BRCA1: variants seen among roughly 807,000 people sequenced by gnomAD.
BRCA1 encodes the protein breast cancer type 1 susceptibility protein.
A neutral mutation model predicts 173.7 loss-of-function variants in BRCA1; 140 were observed. The observed-to-expected ratio is 0.81, with a 90% CI of 0.70 to 0.93. The LOEUF (loss-of-function observed/expected upper bound fraction) is 0.93. Ranked by LOEUF, BRCA1 falls within the 40% of genes least tolerant of loss-of-function variation. BRCA1 has a pLI of 0.00. For missense variants in BRCA1, 1,983 were observed against 2,172.5 expected (o/e 0.91, Z 1.73); for synonymous variants, 662 against 756.0 (o/e 0.88, Z 2.04).
At chr17:43,127,856 CT>C (rs1567826240), upstream of BRCA1, among the ~76,000 whole-genome samples, 1 of 145,840 alleles carries the variant, frequency 6.9e-6, no homozygotes, top group Non-Finnish European at 1.5e-5. Context: ...AACCCCGACT[CT>C]ACTAAAAAGA....
chr17:43,060,899 T>C (rs539670699), intron 18 of BRCA1, among the ~76,000 whole-genome samples: 139 of 151,962 alleles, frequency 9.1e-4, no homozygotes, highest in African/African-American at 3.2e-3. Context: ...GTTGAGGTGG[T>C]TGGATCACTT....
In BRCA1 at chr17:43,159,807, C is replaced by T. The variant is rs35388317; in HGVS notation, c.-20+10319G>A. On this transcript the variant is annotated intron_variant, in intron 1 of 7. Coordinates refer to the BRCA1 transcript ENST00000634433. ...TATTGTCCTATGACCCTGCCAAATC[C>T]CCCTCTGGGAGAAACACCCAAGAAT... 1,371 of 158,214 alleles carry T rather than the reference C, an allele frequency of 8.7e-3. 10 individuals carry two copies. Among genetic ancestry groups the T allele is most frequent in the Non-Finnish European group, 0.014 (1,017 of 72,930 alleles). 9.8% of individuals were successfully genotyped at this position (158,214 alleles called of 1,614,324 possible).
Position 43,063,859 on chromosome 17 carries a change from T to C in BRCA1, c.5152+15A>G, listed in dbSNP as rs750905289. 3.6e-5 allele frequency: 58 copies of C among 1,601,662 alleles called. No homozygotes were observed. The highest frequency in any genetic ancestry group is 8.0e-5 in the African/African-American group (6 of 74,606). ...GGTGTTAAAGGGAGGAGGGGAGAAA[T>C]AGTATTATACTTACAGAAATAGCTA... On this transcript the variant is annotated intron_variant, in intron 17 of 22. Coordinates refer to ENST00000357654, the MANE Select transcript of BRCA1 (RefSeq NM_007294.4).
chr17:43,095,754 G>T, intron 9 of BRCA1, 92 bp downstream of exon 9: 2 of 1,053,648 alleles, frequency 1.9e-6, no homozygotes, highest in Non-Finnish European at 2.9e-6. Flanking sequence ...GGTTGTAAAG[G>T]TCCCAAATGG....
chr17:43,097,983 A>C (rs571666267), intron 7 of BRCA1, among the ~76,000 whole-genome samples: 1 of 151,996 alleles, frequency 6.6e-6, no homozygotes, highest in Non-Finnish European at 1.5e-5. Context: ...ATATTCTAAA[A>C]GAAAATCCAA....
chr17:43,092,670 AG>A lies in BRCA1; in HGVS notation c.2860del (p.Leu954TyrfsTer46). Reference protein sequence around the residue: ...CSIKGGSRFCLSSQFRGNETG... With the variant: ...CSIKGGSRFCXSSQFRGNETG... ...TTCGTTGCCTCTGAACTGAGATGAT[AG>A]ACAAAACCTAGAGCCTCCTTTGATA... On this transcript the variant is annotated frameshift_variant, in exon 10 of 23. Coordinates refer to ENST00000357654, the MANE Select transcript of BRCA1 (RefSeq NM_007294.4). LOFTEE classifies it high-confidence loss of function. 6.2e-7 allele frequency: 1 copy of A among 1,614,132 alleles called. No homozygotes were observed. The highest frequency in any genetic ancestry group is 2.2e-5 in the East Asian group (1 of 44,880).
intron 17 of BRCA1, 89 bp from the exon 18 acceptor site, chr17:43,063,462 G>T (rs933399306): frequency 1.8e-6 from 2 of 1,099,586 alleles, no homozygotes; most frequent in Non-Finnish European, 2.8e-6. Flanking sequence ...TCACAAAAGA[G>T]CACAGGAAGA....
At chr17:43,079,269 G>A (rs2154103993) in intron 12 of BRCA1, 1 of 1,283,954 alleles carries the variant, frequency 7.8e-7, no homozygotes, top group Non-Finnish European at 1.1e-6. Context: ...CCTCCTTTTG[G>A]CCAGAACCAC....
chr17:43,089,360 T>C (rs1567787157), intron 11 of BRCA1, among the ~76,000 whole-genome samples: 1 of 151,996 alleles, frequency 6.6e-6, no homozygotes, highest in African/African-American at 2.4e-5. Flanking sequence ...GGTTCTATGA[T>C]GAAGATGATA....
Position 43,044,577 on chromosome 17 carries a change from G to A in BRCA1, c.*1101C>T, listed in dbSNP as rs2050791229. 1 of 504,936 alleles carries A rather than the reference G, an allele frequency of 2.0e-6. No homozygotes were observed. The allele number at this position is 504,936 out of a possible 1,614,324, so 31.3% of individuals were successfully genotyped here. A position where few individuals can be genotyped will look rare whatever the true frequency, so the allele number is the denominator to read the frequency against. On this transcript the variant is annotated 3_prime_UTR_variant, in exon 23 of 23. Coordinates refer to ENST00000357654, the MANE Select transcript of BRCA1 (RefSeq NM_007294.4). The stretch of plus-strand genomic sequence containing the variant: ...AACAGCTTCCTTCCTGGTGGGATCT[G>A]TCATTTTATAGATATGAAATATTCA...
At chr17:43,081,169 C>T (rs771564275) in intron 12 of BRCA1, among the ~76,000 whole-genome samples, 1 of 152,154 alleles carries the variant, frequency 6.6e-6, no homozygotes. Flanking sequence ...AAAGTCTAGT[C>T]TGTGTTTAGA....
chr17:43,060,008 C>T (rs1417465739), intron 18 of BRCA1, among the ~76,000 whole-genome samples: 3 of 152,080 alleles, frequency 2.0e-5, no homozygotes, highest in Non-Finnish European at 2.9e-5. Context: ...TGGGTTCAAG[C>T]GATTCTCCTG....
At chr17:43,128,389 A>G (rs2055934941), upstream of BRCA1, among the ~76,000 whole-genome samples, 1 of 137,932 alleles carries the variant, frequency 7.2e-6, no homozygotes, top group Admixed American at 7.5e-5. Flanking sequence ...GTAACTCTGA[A>G]CACGTCCGAA....
rs1231871263 is a variant in BRCA1 at position 43,100,677 on chromosome 17, TAATA to T, written c.442-801_442-798del. Among the ~76,000 whole-genome samples the T allele has an allele frequency of 1.2e-3, 18 of 14,678 alleles. 3 individuals are homozygous for T. Among genetic ancestry groups the T allele is most frequent in the East Asian group, 7.5e-3 (3 of 402 alleles). 9.6% of individuals were successfully genotyped at this position (14,678 alleles called of 152,430 possible). ...TATAACATATATATATATATATATATAATATATATATATATATATATATATGTAA... is the reference window on the plus strand; with the variant it reads ...TATAACATATATATATATATATATATTATATATATATATATATATATGTAA... On this transcript the variant is annotated intron_variant, in intron 6 of 22. Transcript: ENST00000357654.
upstream of BRCA1, among the ~76,000 whole-genome samples, chr17:43,126,869 GCGCAGCGCT>G (rs1327592632): frequency 6.6e-6 from 1 of 152,090 alleles, no homozygotes; most frequent in African/African-American, 2.4e-5. Context: ...CTGGGGCTGC[GCGCAGCGCT>G]CGCCAGCCAG....
At chr17:43,134,577 A>G (rs923047860) in intron 1 of BRCA1, among the ~76,000 whole-genome samples, 2 of 152,190 alleles carry the variant, frequency 1.3e-5, no homozygotes, top group African/African-American at 4.8e-5. Flanking sequence ...TGCCAAGGTG[A>G]AAGGATTTCC....
intron 18 of BRCA1, among the ~76,000 whole-genome samples, chr17:43,062,430 G>C (rs1038618774): frequency 3.9e-5 from 6 of 152,112 alleles, no homozygotes; most frequent in African/African-American, 1.4e-4. Flanking sequence ...TTCAACAACA[G>C]TGAACAGTTT....
At chr17:43,068,754 T>G (rs1166145997) in intron 15 of BRCA1, among the ~76,000 whole-genome samples, 1 of 152,110 alleles carries the variant, frequency 6.6e-6, no homozygotes, top group Non-Finnish European at 1.5e-5. Context: ...AAACCAAGAC[T>G]CAACCCTCTG....
intron 1 of BRCA1, among the ~76,000 whole-genome samples, chr17:43,168,954 C>A (rs548843898): frequency 1.3e-5 from 2 of 152,234 alleles, no homozygotes; most frequent in South Asian, 2.1e-4. Context: ...CCTTTCCCAG[C>A]GACCCACTCT....
Sources: gnomAD v4.1 joint callset for allele counts (sites outside exome capture counted in the v4.1 genomes callset) on GRCh38, gnomAD v4.1.1 for gene constraint, MANE v1.5 for transcripts, NCBI Gene and HGNC (gene_info 2026-07-23, HGNC 2026-07-21) for gene names.